The following UCHL1 variants were observed in gnomAD, a reference collection of about 807,000 sequenced individuals.
UCHL1 encodes the protein ubiquitin C-terminal hydrolase L1.
In UCHL1, 5 loss-of-function variants were observed where a neutral mutation model predicts 33.3. The observed-to-expected ratio is 0.15, with a 90% CI of 0.08 to 0.32. The LOEUF (loss-of-function observed/expected upper bound fraction) is 0.32, where lower values mean the gene tolerates loss of function less well. Ranked by LOEUF, UCHL1 falls within the 10% of genes least tolerant of loss-of-function variation. UCHL1 has a pLI of 1.00. For synonymous variants in UCHL1, 132 were observed against 108.8 expected (o/e 1.21, Z -1.33); for missense variants, 236 against 280.0 (o/e 0.84, Z 1.12).
intron 3 of UCHL1, among the ~76,000 whole-genome samples, chr4:41,260,248 A>G (rs1048911847): frequency 2.0e-5 from 3 of 152,256 alleles, no homozygotes; most frequent in African/African-American, 7.2e-5. Flanking sequence ...TGGGCATTCA[A>G]TTGACTGAAG....
chr4:41,266,226 C>CGTTTTTTTTTTTTT (rs1554005212), intron 8 of UCHL1, among the ~76,000 whole-genome samples: 3 of 136,780 alleles, frequency 2.2e-5, no homozygotes, highest in African/African-American at 5.6e-5. Context: ...CTGGCTAAAA[C>CGTTTTTTTTTTTTT]TTTTTTTTTT....
intron 7 of UCHL1, among the ~76,000 whole-genome samples, chr4:41,263,780 C>T (rs1363143835): frequency 6.6e-6 from 1 of 152,210 alleles, no homozygotes; most frequent in Non-Finnish European, 1.5e-5. Context: ...GCGTCTCCTC[C>T]TCTCGCCTCC....
intron 4 of UCHL1, among the ~76,000 whole-genome samples, chr4:41,261,315 A>C (rs1415349002): frequency 6.6e-6 from 1 of 152,262 alleles, no homozygotes; most frequent in East Asian, 1.9e-4. Flanking sequence ...GTACATTCTT[A>C]GATGCTGTAG....
At chr4:41,259,344 A>AT (rs1297852063) in intron 3 of UCHL1, among the ~76,000 whole-genome samples, 7 of 152,344 alleles carry the variant, frequency 4.6e-5, no homozygotes, top group Non-Finnish European at 7.3e-5. Context: ...CTAGTAGACT[A>AT]TTTACAGAAT....
At chr4:41,257,548 TG>T in intron 2 of UCHL1, 60 bp from the exon 3 acceptor site, 1 of 1,440,046 alleles carries the variant, frequency 6.9e-7, no homozygotes, top group Admixed American at 2.7e-5. Context: ...CCCCGCCCCC[TG>T]GCAGGTGCCC....
chr4:41,257,969 GC>G (rs1781010463), intron 3 of UCHL1, among the ~76,000 whole-genome samples: 1 of 152,228 alleles, frequency 6.6e-6, no homozygotes, highest in Non-Finnish European at 1.5e-5. Context: ...TGGAAGAGAG[GC>G]AGTATCTCAG....
At chr4:41,263,355 C>T in intron 7 of UCHL1, 64 bp downstream of exon 7, 1 of 1,457,380 alleles carries the variant, frequency 6.9e-7, no homozygotes, top group Admixed American at 1.7e-5. Context: ...CTGAATTTCT[C>T]TTGATATATT....
At chr4:41,263,862 C>A (rs1248461045) in intron 7 of UCHL1, among the ~76,000 whole-genome samples, 1 of 152,188 alleles carries the variant, frequency 6.6e-6, no homozygotes, top group South Asian at 2.1e-4. Flanking sequence ...GGCACAGGCC[C>A]CTCTATTAGG....
intron 2 of UCHL1, chr4:41,257,397 T>C: frequency 1.1e-6 from 1 of 885,204 alleles, no homozygotes; most frequent in East Asian, 3.0e-5. Flanking sequence ...CAGCACAGAC[T>C]CGGCTGCACG....
At position 41,257,618 on chromosome 4, in the gene UCHL1, C is replaced by T. The variant is rs769924890; in HGVS notation, c.55C>T (p.Arg19Trp). Residue 19 changes from arginine (R) to tryptophan (W), a missense_variant, in exon 3 of 9, where the codon CGG (arginine) becomes TGG (tryptophan). Transcript: ENST00000284440. The part of the protein sequence containing the change: ...NPEMLNKVLS[R>W]LGVAGQWRFV... ...TGTCTCCTCTCCGCAGGTGCTGTCC[C>T]GGCTGGGGGTCGCCGGCCAGTGGCG... 2.6e-6 allele frequency: 4 copies of T among 1,551,844 alleles called. No homozygotes were observed. The highest frequency in any genetic ancestry group is 3.5e-6 in the Non-Finnish European group (4 of 1,154,750).
intron 6 of UCHL1, among the ~76,000 whole-genome samples, chr4:41,262,330 C>G (rs1473858475): frequency 6.6e-6 from 1 of 152,114 alleles, no homozygotes; most frequent in Non-Finnish European, 1.5e-5. Flanking sequence ...TCTGTAGTCC[C>G]AGCCACTTGG....
intron 8 of UCHL1, among the ~76,000 whole-genome samples, chr4:41,267,543 G>A (rs368246775): frequency 7.2e-5 from 11 of 152,112 alleles, no homozygotes; most frequent in African/African-American, 2.4e-4. Flanking sequence ...ACTGCGCCCG[G>A]CCACGTTAAG....
Position 41,260,771 on chromosome 4 carries a change from C to G in UCHL1, c.299C>G (p.Ala100Gly), listed in dbSNP as rs1781057595. 1.2e-6 allele frequency: 2 copies of G among 1,614,138 alleles called. No individual in the cohort carries two copies. The highest frequency in any genetic ancestry group is 1.7e-6 in the Non-Finnish European group (2 of 1,180,026). ...ACAATCGGACTTATTCACGCAGTGG[C>G]CAATAATCAAGACAAACTGGGATTT... Reference protein sequence around the residue: ...CGTIGLIHAVANNQDKLGFED... With the variant: ...CGTIGLIHAVGNNQDKLGFED... Residue 100 changes from alanine (A) to glycine (G), a missense_variant, in exon 4 of 9, where the codon GCC (alanine) becomes GGC (glycine). Coordinates refer to ENST00000284440, the MANE Select transcript of UCHL1 (RefSeq NM_004181.5).
At chr4:41,266,166 C>G (rs1781149658) in intron 8 of UCHL1, among the ~76,000 whole-genome samples, 1 of 151,094 alleles carries the variant, frequency 6.6e-6, no homozygotes, top group African/African-American at 2.4e-5. Flanking sequence ...AAGTGATCTT[C>G]CTGCCTCAGC....
intron 3 of UCHL1, among the ~76,000 whole-genome samples, chr4:41,259,963 C>G (rs1781044820): frequency 6.6e-6 from 1 of 152,232 alleles, no homozygotes; most frequent in Admixed American, 6.5e-5. Context: ...TTACCAGTCT[C>G]TATCCTCCTC....
intron 8 of UCHL1, among the ~76,000 whole-genome samples, chr4:41,266,230 T>G (rs904649798): frequency 2.6e-4 from 39 of 151,254 alleles, no homozygotes; most frequent in Admixed American, 1.3e-4. Flanking sequence ...CTAAAACTTT[T>G]TTTTTTTTTT....
At chr4:41,259,112 C>T (rs1248063194) in intron 3 of UCHL1, among the ~76,000 whole-genome samples, 8 of 152,162 alleles carry the variant, frequency 5.3e-5, no homozygotes, top group Admixed American at 5.2e-4. Flanking sequence ...TGAAAGAGCT[C>T]GATACTTTGT....
At chr4:41,264,478 C>A in intron 8 of UCHL1, 1 of 432,246 alleles carries the variant, frequency 2.3e-6, no homozygotes, top group Non-Finnish European at 4.3e-6. Context: ...CAGATTACAT[C>A]ATAGCTAAAG....
intron 3 of UCHL1, 154 bp from the exon 4 acceptor site, chr4:41,260,493 A>G (rs1374284547): frequency 2.2e-6 from 2 of 905,704 alleles, no homozygotes; most frequent in South Asian, 1.6e-5. Context: ...AGGCAGACAG[A>G]CGGGCCCTTC....
Sources: gnomAD v4.1 joint callset for allele counts (sites outside exome capture counted in the v4.1 genomes callset) on GRCh38, gnomAD v4.1.1 for gene constraint, MANE v1.5 for transcripts, NCBI Gene and HGNC (gene_info 2026-07-23, HGNC 2026-07-21) for gene names.